XRCC4: variants seen among roughly 807,000 people sequenced by gnomAD.
XRCC4 encodes X-ray repair cross complementing 4.
Under a neutral mutation model 39.1 loss-of-function variants are expected in XRCC4, and 28 were observed. That is an observed-to-expected ratio of 0.72 (90% CI 0.53 to 0.98). The LOEUF is 0.98. Among genes scored for constraint, XRCC4 ranks in the 50% least tolerant of loss-of-function variants. The probability of loss-of-function intolerance (pLI) is 0.00; values close to 1 mark genes in which losing one functional copy is unlikely to be tolerated. For synonymous variants in XRCC4, 123 were observed against 126.4 expected (o/e 0.97, Z 0.18); for missense variants, 350 against 376.4 (o/e 0.93, Z 0.58).
At chr5:83,090,709 A>G (rs989047794) in intron 1 of XRCC4, among the ~76,000 whole-genome samples, 4 of 152,100 alleles carry the variant, frequency 2.6e-5, no homozygotes, top group Non-Finnish European at 4.4e-5. Context: ...AAGTCACTTC[A>G]TTATTATAAA....
At chr5:83,349,181 T>G (rs1317361396) in intron 7 of XRCC4, among the ~76,000 whole-genome samples, 1 of 152,162 alleles carries the variant, frequency 6.6e-6, no homozygotes, top group Non-Finnish European at 1.5e-5. Context: ...GCCCCACTTC[T>G]CTGGTTACAC....
intron 6 of XRCC4, among the ~76,000 whole-genome samples, chr5:83,256,444 CTT>C (rs893771451): frequency 9.2e-5 from 14 of 151,962 alleles, no homozygotes; most frequent in African/African-American, 3.1e-4. Context: ...TTAATTTAAA[CTT>C]AATATTCTTT....
At chr5:83,134,806 C>G (rs1747805470) in intron 3 of XRCC4, among the ~76,000 whole-genome samples, 2 of 152,282 alleles carry the variant, frequency 1.3e-5, no homozygotes, top group South Asian at 2.1e-4. Context: ...CTGCGAAGTT[C>G]TGCAGCTTCA....
In XRCC4 at chr5:83,280,441, A is replaced by C. The variant is rs1333558731; in HGVS notation, c.893+21764A>C. On this transcript the variant is annotated intron_variant, in intron 7 of 7. Transcript: ENST00000396027. The stretch of plus-strand genomic sequence containing the variant: ...TATTAATGGTGCCGCAATTTTGAAG[A>C]AAGTTCTTGCACATATCTCCTTAGG... 19 of 687,312 alleles carry C rather than the reference A, an allele frequency of 2.8e-5. No homozygotes were observed. In the East Asian group the frequency reaches 5.2e-4, roughly 19 times the overall value. The allele number at this position is 687,312 out of a possible 1,614,324, so 42.6% of individuals were successfully genotyped here.
At chr5:83,114,860 T>A (rs1746633247) in intron 3 of XRCC4, among the ~76,000 whole-genome samples, 1 of 152,140 alleles carries the variant, frequency 6.6e-6, no homozygotes, top group East Asian at 1.9e-4. Context: ...AATAAAGACA[T>A]ACCCGAGGCT....
chr5:83,234,906 G>T (rs1752628984), intron 6 of XRCC4, among the ~76,000 whole-genome samples: 1 of 151,456 alleles, frequency 6.6e-6, no homozygotes, highest in East Asian at 1.9e-4. Context: ...AGATATATTT[G>T]TATATGATGT....
intron 4 of XRCC4, chr5:83,201,087 A>C (rs1751170785): frequency 6.6e-6 from 1 of 152,230 alleles, no homozygotes; most frequent in African/African-American, 2.4e-5. Flanking sequence ...GATGAAAAAC[A>C]TTACTTTTAC....
chr5:83,191,637 T>C (rs1163320287), intron 3 of XRCC4, among the ~76,000 whole-genome samples: 1 of 152,046 alleles, frequency 6.6e-6, no homozygotes, highest in Non-Finnish European at 1.5e-5. Context: ...GAGGCAGAGG[T>C]TGCAGTGAGC....
intron 6 of XRCC4, among the ~76,000 whole-genome samples, chr5:83,256,512 A>G (rs558678715): frequency 2.0e-5 from 3 of 152,228 alleles, no homozygotes; most frequent in East Asian, 3.9e-4. Context: ...TTACAAATCT[A>G]TAACTGAAAT....
chr5:83,279,647 AG>A (rs1368771149), intron 7 of XRCC4, among the ~76,000 whole-genome samples: 1 of 152,228 alleles, frequency 6.6e-6, no homozygotes, highest in East Asian at 1.9e-4. Context: ...GATAATTAAA[AG>A]ATTTAAATTT....
At chr5:83,216,068 A>C (rs765544244) in intron 6 of XRCC4, among the ~76,000 whole-genome samples, 3 of 152,186 alleles carry the variant, frequency 2.0e-5, no homozygotes, top group Non-Finnish European at 4.4e-5. Flanking sequence ...CACATATCTG[A>C]TAAGGGATTT....
chr5:83,301,809 C>T (rs1238901306), intron 7 of XRCC4, among the ~76,000 whole-genome samples: 1 of 152,122 alleles, frequency 6.6e-6, no homozygotes, highest in Non-Finnish European at 1.5e-5. Context: ...GCCAGTTTTT[C>T]CAACACCATT....
intron 2 of XRCC4, among the ~76,000 whole-genome samples, chr5:83,107,635 T>C (rs916781956): frequency 2.0e-5 from 3 of 151,938 alleles, no homozygotes; most frequent in Non-Finnish European, 4.4e-5. Flanking sequence ...AGTGGGTTAA[T>C]GATCGATGAC....
rs1372989294 is a variant in XRCC4 at position 83,208,273 on chromosome 5, A to G, written c.745+3352A>G. Among the ~76,000 whole-genome samples the G allele has an allele frequency of 2.6e-5, 4 of 152,000 alleles. No homozygotes were observed. The East Asian group carries it at 7.7e-4, about 29-fold the overall frequency. On this transcript the variant is annotated intron_variant, in intron 6 of 7. Coordinates refer to ENST00000396027, the MANE Select transcript of XRCC4 (RefSeq NM_003401.5). ...TAGGCATACAATCATACTTTTGTAA[A>G]TGGGAATGAAATTTCTTTTCATTTG...
chr5:83,348,511 G>A lies in XRCC4; in HGVS notation c.894-4620G>A, dbSNP rs538933048. On this transcript the variant is annotated intron_variant, in intron 7 of 7. Transcript: ENST00000396027. ...GGCCCCTTTTAGCCACAGCTGGAGCGGGAGCAGCCACAATGCAGGGTGCCA... is the reference window on the plus strand; with the variant it reads ...GGCCCCTTTTAGCCACAGCTGGAGCAGGAGCAGCCACAATGCAGGGTGCCA... 5.3e-5 allele frequency among the ~76,000 whole-genome samples: 8 copies of A among 152,324 alleles called. No homozygotes were observed. The East Asian group carries it at 9.7e-4, about 18-fold the overall frequency.
chr5:83,134,598 T>C (rs1377530612), intron 3 of XRCC4, among the ~76,000 whole-genome samples: 1 of 152,066 alleles, frequency 6.6e-6, no homozygotes, highest in Admixed American at 6.6e-5. Flanking sequence ...GACCAATCAG[T>C]TCTCTGTAAA....
At chr5:83,165,060 C>T (rs992181441) in intron 3 of XRCC4, among the ~76,000 whole-genome samples, 10 of 151,822 alleles carry the variant, frequency 6.6e-5, no homozygotes, top group African/African-American at 2.2e-4. Context: ...TTGACTTAAT[C>T]TCATTATAAA....
intron 3 of XRCC4, among the ~76,000 whole-genome samples, chr5:83,121,143 G>A (rs1396264523): frequency 6.6e-6 from 1 of 152,052 alleles, no homozygotes; most frequent in African/African-American, 2.4e-5. Flanking sequence ...TTCCTGCTGA[G>A]TGGTGTTCCA....
intron 7 of XRCC4, among the ~76,000 whole-genome samples, chr5:83,302,701 C>G (rs1274732424): frequency 6.6e-6 from 1 of 152,182 alleles, no homozygotes; most frequent in Non-Finnish European, 1.5e-5. Context: ...TCACGGAGAA[C>G]AGCTCATTAG....
Sources: allele counts gnomAD v4.1 joint callset (sites outside exome capture counted in the v4.1 genomes callset), GRCh38; gene constraint gnomAD v4.1.1; transcripts MANE v1.5; gene names NCBI Gene and HGNC (gene_info 2026-07-23, HGNC 2026-07-21).